Variants in HECTD4 observed in about 807,000 individuals in gnomAD.
The protein encoded by HECTD4 is probable E3 ubiquitin-protein ligase HECTD4.
In HECTD4, 114 loss-of-function variants were observed where a neutral mutation model predicts 471.5. The observed-to-expected ratio is 0.24, with a 90% CI of 0.21 to 0.28. The LOEUF is 0.28. HECTD4 is among the 10% of genes least tolerant of loss of function. The pLI is 1.00. For missense variants in HECTD4, 3,866 were observed against 5,651.5 expected (o/e 0.68, Z 10.13); for synonymous variants, 2,012 against 2,256.0 (o/e 0.89, Z 3.07).
chr12:112,250,465 T>C (rs1327187533), intron 24 of HECTD4, 88 bp from the exon 25 acceptor site: 5 of 904,878 alleles, frequency 5.5e-6, no homozygotes, highest in Admixed American at 2.2e-5. Context: ...ATCAAACATA[T>C]GAAGGATCAC....
At chr12:112,325,505 G>T (rs2035723922) in intron 1 of HECTD4, among the ~76,000 whole-genome samples, 1 of 152,054 alleles carries the variant, frequency 6.6e-6, no homozygotes, top group South Asian at 2.1e-4. Context: ...CATACCTTTG[G>T]GTTTTTGTAA....
chr12:112,373,647 T>C (rs560986912), intron 1 of HECTD4, among the ~76,000 whole-genome samples: 119 of 152,324 alleles, frequency 7.8e-4, no homozygotes, highest in Admixed American at 2.6e-3. Context: ...CCACTCAATA[T>C]GCTGGCGCTG....
rs568150864 is a variant in HECTD4 at position 112,300,319 on chromosome 12, A to G, written c.1335+5745T>C. Among the ~76,000 whole-genome samples, 265 of 151,982 alleles carry G rather than the reference A, an allele frequency of 1.7e-3. 1 individual carries two copies. The highest frequency in any genetic ancestry group is 1.6e-3 in the Non-Finnish European group (112 of 67,938). ...GAAGATTCCATCTCAAAAAAAAAAA[A>G]AAAAGAAAGAAAGAAAAAGAAAGAA... On this transcript the variant is annotated intron_variant, in intron 7 of 75. Coordinates refer to ENST00000682272, the MANE Select transcript of HECTD4 (RefSeq NM_001388303.1).
In HECTD4 at chr12:112,274,893, A is replaced by T. The variant is rs771340040; in HGVS notation, c.1755T>A (p.Asp585Glu). 9 of 1,550,360 alleles carry T rather than the reference A, an allele frequency of 5.8e-6. No individual in the cohort carries two copies. The African/African-American group carries it at 1.2e-4, about 21-fold the overall frequency. ...CACGCCCCAGTGAGCTTCCAGCAGCATCTATGAGATCTGCACGACTTGTAA... is the reference window on the plus strand; with the variant it reads ...CACGCCCCAGTGAGCTTCCAGCAGCTTCTATGAGATCTGCACGACTTGTAA... ...GQFTSRADLI[D>E]AAGSSLGRGA... is the part of the protein sequence containing the mutation. Residue 585 changes from aspartate (D) to glutamate (E), a missense_variant, in exon 10 of 76, where the codon GAT becomes GAA. Transcript: ENST00000682272.
rs2032711974 is a variant in HECTD4, at chr12:112,209,941, A to C, written c.7867+74T>G. On this transcript the variant is annotated intron_variant, in intron 50 of 75. Coordinates refer to ENST00000682272, the MANE Select transcript of HECTD4 (RefSeq NM_001388303.1). ...ATTGTAATGAGGATGCTCAAGTGCAATGGGTTTATGGAATTCATAACATTC... is the reference window on the plus strand; with the variant it reads ...ATTGTAATGAGGATGCTCAAGTGCACTGGGTTTATGGAATTCATAACATTC... 4.0e-6 allele frequency: 5 copies of C among 1,246,734 alleles called. No individual in the cohort carries two copies. In the African/African-American group the frequency reaches 4.5e-5, roughly 11 times the overall value. 77.2% of individuals were successfully genotyped at this position (1,246,734 alleles called of 1,614,324 possible).
chr12:112,216,416 G>C, intron 47 of HECTD4, 45 bp from the exon 48 acceptor site: 1 of 1,307,080 alleles, frequency 7.7e-7, no homozygotes, highest in Non-Finnish European at 1.1e-6. Context: ...AGAAAGATAA[G>C]CCTCACTGGC....
rs768394883 is a variant in HECTD4 at position 112,259,099 on chromosome 12, C to G, written c.3027+13G>C. ...CCAAAAAGCAGTTCACTTTGGCACACCAAGGATCATACCTGGCTGGTATAG... is the reference window on the plus strand; with the variant it reads ...CCAAAAAGCAGTTCACTTTGGCACAGCAAGGATCATACCTGGCTGGTATAG... On this transcript the variant is annotated intron_variant, in intron 19 of 75. Transcript: ENST00000682272. 6.3e-7 allele frequency: 1 copy of G among 1,594,684 alleles called. No homozygotes were observed. The highest frequency in any genetic ancestry group is 8.5e-7 in the Non-Finnish European group (1 of 1,174,894).
intron 62 of HECTD4, among the ~76,000 whole-genome samples, chr12:112,181,756 G>A (rs1056390146): frequency 1.3e-5 from 2 of 152,144 alleles, no homozygotes; most frequent in African/African-American, 4.8e-5. Context: ...CACCGTGCCC[G>A]GCCTGGGGTA....
chr12:112,286,481 C>G (rs2034756434), intron 7 of HECTD4, among the ~76,000 whole-genome samples: 1 of 152,134 alleles, frequency 6.6e-6, no homozygotes, highest in Admixed American at 6.5e-5. Flanking sequence ...CGAGACCAGC[C>G]TGGGCAACAT....
chr12:112,273,676 G>T lies in HECTD4; in HGVS notation c.1921C>A (p.His641Asn). The T allele has an allele frequency of 1.9e-6, 3 of 1,613,886 alleles. No homozygotes were observed. Among genetic ancestry groups the T allele is most frequent in the Middle Eastern group, 3.3e-4 (2 of 6,060 alleles). ...TCACCTTTGGGCTCAGTGATAATGT[G>T]ACTGACTCCAAGTCTCTGGCAGACA... The part of the protein sequence containing the change: ...HYVCQRLGVS[H>N]IITEPKEEAI... The change falls in exon 11 of 76, where the codon CAC (histidine) becomes AAC (asparagine). Residue 641 changes from histidine to asparagine, a missense_variant. Around this residue, in one of 16 missense-constraint regions of HECTD4, gnomAD observed 525 missense variants for 672.6 expected, o/e 0.78. Coordinates refer to ENST00000682272, the MANE Select transcript of HECTD4 (RefSeq NM_001388303.1).
intron 8 of HECTD4, among the ~76,000 whole-genome samples, chr12:112,280,442 A>G (rs1476825826): frequency 6.6e-6 from 1 of 152,244 alleles, no homozygotes; most frequent in Non-Finnish European, 1.5e-5. Flanking sequence ...CTGTCAGGCT[A>G]TAAAATATAA....
chr12:112,312,432 T>C (rs2035391567), intron 4 of HECTD4, among the ~76,000 whole-genome samples: 1 of 152,206 alleles, frequency 6.6e-6, no homozygotes. Context: ...ACTGAGTGAA[T>C]GGAGAGGTCT....
Position 112,254,158 on chromosome 12 carries a change from A to G in HECTD4, c.3332T>C (p.Val1111Ala), listed in dbSNP as rs548716965. The change falls in exon 22 of 76, where the codon GTG becomes GCG. Residue 1111 changes from valine (V) to alanine (A), a missense_variant. Transcript: ENST00000682272. ...GTTTGTGTTAGGCCCCGCATATATC[A>G]CCAACTTCAAAACAGAAAATATACT... ...CSSQYDYDKL[V>A]IYAGPNTNSR... is the part of the protein sequence containing the mutation. 7.5e-5 allele frequency: 121 copies of G among 1,613,840 alleles called. 2 individuals are homozygous for G. The Admixed American group carries it at 1.9e-3, about 26-fold the overall frequency.
At chr12:112,182,529 G>A (rs1014151907) in intron 62 of HECTD4, among the ~76,000 whole-genome samples, 4 of 152,318 alleles carry the variant, frequency 2.6e-5, no homozygotes, top group South Asian at 2.1e-4. Context: ...CAAGGGGGAC[G>A]CATGAGCTGT....
intron 1 of HECTD4, among the ~76,000 whole-genome samples, chr12:112,325,734 T>C (rs970448356): frequency 2.0e-5 from 3 of 152,214 alleles, no homozygotes; most frequent in Admixed American, 1.3e-4. Flanking sequence ...GTTACCCTAA[T>C]TAAGGGAGTG....
At chr12:112,278,157 A>G (rs1156926664) in intron 9 of HECTD4, among the ~76,000 whole-genome samples, 2 of 152,254 alleles carry the variant, frequency 1.3e-5, no homozygotes, top group African/African-American at 4.8e-5. Flanking sequence ...GAGTATAGGT[A>G]ACTCCACAGA....
Position 112,270,270 on chromosome 12 carries a change from T to C in HECTD4, c.2132A>G (p.Asn711Ser), listed in dbSNP as rs371836168. The C allele has an allele frequency of 5.6e-6, 9 of 1,613,920 alleles. No individual in the cohort carries two copies. The African/African-American group carries it at 9.3e-5, about 17-fold the overall frequency. The change falls in exon 12 of 76, where the codon AAT becomes AGT. Residue 711 changes from asparagine (N) to serine (S), a missense_variant. Transcript: ENST00000682272. The part of the protein sequence containing the change: ...ICDIMEKAMV[N>S]GDTCIIRCIL... ...GCAGCGTATAATACAGGTATCTCCA[T>C]TAACCATGGCCTTCTCCATAATGTC...
chr12:112,238,888 C>T (rs1416898842), intron 34 of HECTD4, among the ~76,000 whole-genome samples, 164 bp downstream of exon 34: 1 of 152,130 alleles, frequency 6.6e-6, no homozygotes, highest in African/African-American at 2.4e-5. Flanking sequence ...TTTTATAAAA[C>T]CACACTGAGG....
chr12:112,280,598 C>T (rs1267818855), intron 8 of HECTD4, among the ~76,000 whole-genome samples: 4 of 151,448 alleles, frequency 2.6e-5, no homozygotes, highest in Admixed American at 2.6e-4. Flanking sequence ...CTGCAAGCCC[C>T]CACCAAGTAT....
Sources: gnomAD v4.1 joint callset for allele counts (sites outside exome capture counted in the v4.1 genomes callset) on GRCh38, gnomAD v4.1.1 for gene constraint, gnomAD v4.1.1 regional missense constraint, MANE v1.5 for transcripts, NCBI Gene and HGNC (gene_info 2026-07-23, HGNC 2026-07-21) for gene names.